Variants in NUP210L observed in about 807,000 individuals in gnomAD.
NUP210L encodes nuclear pore membrane glycoprotein 210-like.
NUP210L carries 74 observed loss-of-function variants against 208.5 expected under a neutral mutation model. The observed-to-expected ratio is 0.35, with a 90% CI of 0.29 to 0.43. The LOEUF is 0.43. Ranked by LOEUF, NUP210L falls within the 20% of genes least tolerant of loss-of-function variation. The probability of loss-of-function intolerance (pLI) is 1.00; values close to 1 mark genes in which losing one functional copy is unlikely to be tolerated. For synonymous variants in NUP210L, 780 were observed against 816.9 expected, an observed-to-expected ratio of 0.95 and a Z score of 0.77; for missense variants, 1,843 against 2,289.4, an observed-to-expected ratio of 0.81 and a Z score of 3.98.
rs375644797 is a variant in NUP210L, at chr1:154,058,252, G to A, written c.2980-36C>T. 4 of 1,609,544 alleles carry A rather than the reference G, an allele frequency of 2.5e-6. No individual in the cohort carries two copies. In the African/African-American group the frequency reaches 5.4e-5, roughly 22 times the overall value. ...AAAAGAAAAAGATTTTAGCAAAGGT[G>A]TCTCATTCACCAATGGCAGTCTAAC... is the stretch of plus-strand genomic sequence containing the variant. On this transcript the variant is annotated intron_variant, in intron 21 of 39. Coordinates refer to ENST00000368559, the Ensembl canonical transcript of NUP210L.
intron 27 of NUP210L, among the ~76,000 whole-genome samples, chr1:154,031,080 ACT>A (rs1314526430): frequency 5.9e-5 from 9 of 151,318 alleles, no homozygotes; most frequent in Non-Finnish European, 8.8e-5. Context: ...ACACAATTAT[ACT>A]CTCTTAGTTA....
intron 1 of NUP210L, among the ~76,000 whole-genome samples, chr1:154,153,596 C>T (rs1457022561): frequency 6.6e-6 from 1 of 152,184 alleles, no homozygotes; most frequent in African/African-American, 2.4e-5. Context: ...AGGCGTGAGC[C>T]ACTGCGCCCG....
chr1:154,092,168 C>T (rs1329011938), intron 15 of NUP210L, among the ~76,000 whole-genome samples: 5 of 150,722 alleles, frequency 3.3e-5, no homozygotes, highest in Admixed American at 6.6e-5. Context: ...CTCCGCCTTC[C>T]GGATTCACGC....
At chr1:153,997,431 G>A (rs1649954881) in intron 37 of NUP210L, among the ~76,000 whole-genome samples, 1 of 149,744 alleles carries the variant, frequency 6.7e-6, no homozygotes, top group African/African-American at 2.5e-5. Flanking sequence ...GTGAGCTACC[G>A]CACCTGGCCT....
intron 37 of NUP210L, among the ~76,000 whole-genome samples, chr1:153,997,286 ATAATT>A (rs1296947340): frequency 6.7e-6 from 1 of 149,862 alleles, no homozygotes; most frequent in Non-Finnish European, 1.5e-5. Context: ...TAACACCTGA[ATAATT>A]TAAATGTTTT....
chr1:154,070,458 A>G, exon 17 of NUP210L: 1 of 1,559,304 alleles, frequency 6.4e-7, no homozygotes, highest in Non-Finnish European at 8.7e-7. Flanking sequence ...CAGTCTTGAT[A>G]CAGGAATCTG....
chr1:154,096,531 T>C (rs1242318598), intron 14 of NUP210L, among the ~76,000 whole-genome samples: 1 of 148,704 alleles, frequency 6.7e-6, no homozygotes, highest in African/African-American at 2.5e-5. Flanking sequence ...GAGGCTGAGG[T>C]GGGTGGATCA....
At chr1:154,014,667 G>C (rs1651139358) in intron 33 of NUP210L, among the ~76,000 whole-genome samples, 1 of 152,138 alleles carries the variant, frequency 6.6e-6, no homozygotes, top group Non-Finnish European at 1.5e-5. Flanking sequence ...CTCAAAAGAA[G>C]GCACCAGATA....
intron 37 of NUP210L, among the ~76,000 whole-genome samples, chr1:153,996,288 T>A (rs568015118): frequency 8.5e-5 from 13 of 152,172 alleles, no homozygotes; most frequent in Admixed American, 5.9e-4. Flanking sequence ...CCAGACTCTA[T>A]TTCAAACAAA....
chr1:154,032,072 T>A (rs994365261), intron 27 of NUP210L, among the ~76,000 whole-genome samples: 1 of 152,134 alleles, frequency 6.6e-6, no homozygotes, highest in Non-Finnish European at 1.5e-5. Context: ...CCATTGTGTA[T>A]ATACACCTCA....
chr1:154,114,181 G>A (rs574256846), intron 12 of NUP210L, among the ~76,000 whole-genome samples: 21 of 151,706 alleles, frequency 1.4e-4, no homozygotes, highest in African/African-American at 4.4e-4. Context: ...AGTGGTACAC[G>A]TCCCAGCTAC....
chr1:154,142,310 T>G (rs1287130055), intron 3 of NUP210L, among the ~76,000 whole-genome samples: 5 of 152,072 alleles, frequency 3.3e-5, no homozygotes, highest in Non-Finnish European at 7.3e-5. Flanking sequence ...AACCTCGGCC[T>G]CCCAAAGTGC....
At chr1:154,091,268 G>T (rs1304647644) in intron 15 of NUP210L, among the ~76,000 whole-genome samples, 1 of 151,304 alleles carries the variant, frequency 6.6e-6, no homozygotes, top group Non-Finnish European at 1.5e-5. Flanking sequence ...GCTAATTTTT[G>T]TATTTTCAGT....
intron 7 of NUP210L, among the ~76,000 whole-genome samples, chr1:154,134,150 C>CAAA (rs370676301): frequency 2.1e-5 from 3 of 142,640 alleles, no homozygotes; most frequent in South Asian, 2.2e-4. Context: ...AACTCCACCT[C>CAAA]AAAAAAAAAA....
chr1:154,010,697 C>T (rs1557911781), intron 34 of NUP210L, among the ~76,000 whole-genome samples: 1 of 151,890 alleles, frequency 6.6e-6, no homozygotes, highest in Non-Finnish European at 1.5e-5. Flanking sequence ...ATGGAGAAAC[C>T]CCGTCTCTAC....
At chr1:154,119,884 C>T (rs1055833384) in intron 10 of NUP210L, among the ~76,000 whole-genome samples, 5 of 152,154 alleles carry the variant, frequency 3.3e-5, no homozygotes, top group African/African-American at 9.7e-5. Context: ...AGCAGCATGA[C>T]TTATAATCCT....
chr1:154,031,402 A>T (rs956542052), intron 27 of NUP210L, among the ~76,000 whole-genome samples: 4 of 152,016 alleles, frequency 2.6e-5, no homozygotes, highest in African/African-American at 9.7e-5. Context: ...GTTATTTTAA[A>T]ATATACAATA....
chr1:154,068,837 A>AG (rs1654549311), intron 17 of NUP210L, among the ~76,000 whole-genome samples: 1 of 141,844 alleles, frequency 7.1e-6, no homozygotes, highest in Non-Finnish European at 1.5e-5. Flanking sequence ...GGGTGGGGGA[A>AG]GGGGGGAGGG....
intron 10 of NUP210L, among the ~76,000 whole-genome samples, chr1:154,123,106 C>T (rs979616584): frequency 4.6e-5 from 7 of 151,136 alleles, no homozygotes; most frequent in African/African-American, 1.2e-4. Context: ...ATTAATTCAG[C>T]GAAGTTGCCA....
Sources: gnomAD v4.1 joint callset for allele counts (sites outside exome capture counted in the v4.1 genomes callset) on GRCh38, gnomAD v4.1.1 for gene constraint, MANE v1.5 for transcripts, NCBI Gene and HGNC (gene_info 2026-07-23, HGNC 2026-07-21) for gene names.